Variants in CSAD observed in about 807,000 individuals in gnomAD.
The protein encoded by CSAD is P-selectin cytoplasmic tail-associated protein.
CSAD carries 47 observed loss-of-function variants against 61.5 expected under a neutral mutation model. The ratio of observed to expected loss-of-function variants is 0.76; its 90% CI spans 0.60 to 0.97. The LOEUF is 0.97. CSAD is among the 50% of genes least tolerant of loss of function. CSAD has a pLI of 0.00. For synonymous variants in CSAD, 245 were observed against 252.7 expected, an observed-to-expected ratio of 0.97 and a Z score of 0.29; for missense variants, 611 against 643.6, an observed-to-expected ratio of 0.95 and a Z score of 0.55.
At chr12:53,170,861 C>T (rs1326888010) in intron 8 of CSAD, 10 of 380,538 alleles carry the variant, frequency 2.6e-5, no homozygotes, top group Non-Finnish European at 5.0e-5. Flanking sequence ...GCTGGGACTA[C>T]AGGTGCCCAC....
intron 8 of CSAD, chr12:53,171,088 T>A: frequency 1.5e-6 from 1 of 666,318 alleles, no homozygotes. Context: ...CACTCTTGAG[T>A]AGGAAGAGTA....
At chr12:53,169,939 A>G in intron 10 of CSAD, 133 bp downstream of exon 10, 1 of 771,376 alleles carries the variant, frequency 1.3e-6, no homozygotes, top group Non-Finnish European at 2.2e-6. Flanking sequence ...CAGGCTCTCC[A>G]TGGTCACTTC....
chr12:53,181,079 A>C, upstream of CSAD: 1 of 845,708 alleles, frequency 1.2e-6, no homozygotes, highest in Non-Finnish European at 1.4e-6. Flanking sequence ...GGGCGCGAGC[A>C]CGCATCTCGC....
chr12:53,170,894 G>A (rs1183869937), intron 8 of CSAD: 4 of 370,060 alleles, frequency 1.1e-5, no homozygotes, highest in Non-Finnish European at 1.5e-5. Context: ...CTAATTTTTT[G>A]TATTTTAGTA....
Position 53,172,333 on chromosome 12 carries a change from T to C in CSAD, c.344+13A>G, listed in dbSNP as rs370863942. 8.1e-6 allele frequency: 13 copies of C among 1,611,544 alleles called. No homozygotes were observed. The highest frequency in any genetic ancestry group is 1.1e-5 in the Non-Finnish European group (13 of 1,177,944). Reference sequence around the variant, plus strand: ...TCCTTTGTGGGATGGTAGAGGGGCCTTGGGATGCTCACTGGCTGGTGTTGA... The same window carrying C: ...TCCTTTGTGGGATGGTAGAGGGGCCCTGGGATGCTCACTGGCTGGTGTTGA... On this transcript the variant is annotated intron_variant, in intron 6 of 16. Transcript: ENST00000444623.
chr12:53,179,505 T>C, intron 1 of CSAD: 1 of 461,024 alleles, frequency 2.2e-6, no homozygotes, highest in Non-Finnish European at 3.8e-6. Context: ...GTAAAATAAG[T>C]AGGAGCTAAT....
intron 8 of CSAD, 129 bp from the exon 9 acceptor site, chr12:53,170,631 G>GA (rs971577586): frequency 6.1e-5 from 44 of 719,676 alleles, no homozygotes; most frequent in African/African-American, 4.9e-4. Flanking sequence ...GCGTGCATAC[G>GA]AATCGCCTGG....
intron 15 of CSAD, 81 bp downstream of exon 15, chr12:53,159,806 C>T: frequency 6.5e-7 from 1 of 1,532,128 alleles, no homozygotes. Context: ...CCTTTTCCCT[C>T]CACTAGGGCT....
chr12:53,173,731 T>C lies in CSAD; in HGVS notation c.-10A>G. Reference sequence around the variant, plus strand: ...CCTAAGGCAGAGACAAGCTTACCTCTCTGCTCAGGAGAGCCGGAGGCAGGG... The same window carrying C: ...CCTAAGGCAGAGACAAGCTTACCTCCCTGCTCAGGAGAGCCGGAGGCAGGG... On this transcript the variant is annotated 5_prime_UTR_variant, in exon 3 of 17. Transcript: ENST00000444623. 6.2e-7 allele frequency: 1 copy of C among 1,609,166 alleles called. No homozygotes were observed. The highest frequency in any genetic ancestry group is 1.3e-5 in the African/African-American group (1 of 74,944).
At chr12:53,180,038 G>C in intron 1 of CSAD, 1 of 1,424,710 alleles carries the variant, frequency 7.0e-7, no homozygotes, top group Non-Finnish European at 9.1e-7. Flanking sequence ...AAGGGGAGAA[G>C]GTAACCAACC....
intron 10 of CSAD, among the ~76,000 whole-genome samples, chr12:53,169,461 A>G (rs899267721): frequency 1.0e-4 from 15 of 150,626 alleles, no homozygotes; most frequent in African/African-American, 3.7e-4. Context: ...CCTGGGCAAC[A>G]GGAGTGAAAC....
intron 10 of CSAD, among the ~76,000 whole-genome samples, chr12:53,168,877 A>AT (rs1042700208): frequency 1.3e-5 from 2 of 151,920 alleles, no homozygotes; most frequent in East Asian, 1.9e-4. Flanking sequence ...GGACATTTAA[A>AT]TTTTTTTTTA....
chr12:53,163,144 AG>A (rs1371620429), intron 10 of CSAD, among the ~76,000 whole-genome samples: 1 of 152,022 alleles, frequency 6.6e-6, no homozygotes, highest in Non-Finnish European at 1.5e-5. Context: ...CTGAGGTGGG[AG>A]GATCACTTGA....
rs139428444 is a variant in CSAD at position 53,158,726 on chromosome 12, G to A, written c.1309-42C>T. ...AGAGATTCCAGCTGCAGCCTGGGTC[G>A]GCTGACAGGTAGGCTGGCTTCTTGT... is the stretch of plus-strand genomic sequence containing the variant. On this transcript the variant is annotated intron_variant, in intron 16 of 16. Coordinates refer to ENST00000444623, the MANE Select transcript of CSAD (RefSeq NM_001244705.2). 7,166 of 1,590,340 alleles carry A rather than the reference G, an allele frequency of 4.5e-3. 21 individuals are homozygous for A. The highest frequency in any genetic ancestry group is 6.8e-3 in the Middle Eastern group (38 of 5,600).
At chr12:53,180,278 T>A in intron 1 of CSAD, 1 of 985,312 alleles carries the variant, frequency 1.0e-6, no homozygotes. Flanking sequence ...TCGGCCGAGT[T>A]ACGTGAAAAG....
Position 53,173,352 on chromosome 12 carries a change from G to T in CSAD, c.119C>A (p.Ser40Tyr). The change falls in exon 4 of 17, where the codon TCC becomes TAC. Residue 40 changes from serine to tyrosine, a missense_variant. Transcript: ENST00000444623. ...GAGGAAGAAAGGACTCACCTTCTGGGAGACACTGGTTCCTTTCTGAATGGC... is the reference window on the plus strand; with the variant it reads ...GAGGAAGAAAGGACTCACCTTCTGGTAGACACTGGTTCCTTTCTGAATGGC... ...DEAIQKGTSV[S>Y]QKVCEWKEPE... The T allele has an allele frequency of 1.2e-6, 2 of 1,614,058 alleles. No homozygotes were observed. Among genetic ancestry groups the T allele is most frequent in the Non-Finnish European group, 1.7e-6 (2 of 1,179,910 alleles).
At chr12:53,176,905 T>TA (rs1367981838) in intron 2 of CSAD, among the ~76,000 whole-genome samples, 1 of 151,806 alleles carries the variant, frequency 6.6e-6, no homozygotes, top group Non-Finnish European at 1.5e-5. Context: ...GTTAATTTTT[T>TA]AATTTTTTGT....
intron 2 of CSAD, 58 bp from the exon 3 acceptor site, chr12:53,173,828 T>C: frequency 6.4e-7 from 1 of 1,567,346 alleles, no homozygotes; most frequent in Admixed American, 1.9e-5. Context: ...TACAATTAAG[T>C]GTTTTTTTCA....
chr12:53,158,651 C>G lies in CSAD; in HGVS notation c.1342G>C (p.Glu448Gln). ...TGGTAGCCAATCATCATGGAGCCCT[C>G]CTTCACCATGCGCTCCTTGAGCACG... ...APVLKERMVK[E>Q]GSMMIGYQPH... Residue 448 changes from glutamate to glutamine, a missense_variant, in exon 17 of 17, where the codon GAG becomes CAG. Coordinates refer to ENST00000444623, the MANE Select transcript of CSAD (RefSeq NM_001244705.2). 6.2e-7 allele frequency: 1 copy of G among 1,614,156 alleles called. No homozygotes were observed. The highest frequency in any genetic ancestry group is 8.5e-7 in the Non-Finnish European group (1 of 1,180,020).
Sources: gnomAD v4.1 joint callset for allele counts (sites outside exome capture counted in the v4.1 genomes callset) on GRCh38, gnomAD v4.1.1 for gene constraint, MANE v1.5 for transcripts, NCBI Gene and HGNC (gene_info 2026-07-23, HGNC 2026-07-21) for gene names.